DPP4: variants seen among roughly 807,000 people sequenced by gnomAD.
DPP4 encodes dipeptidyl peptidase 4, also known as ADCP-2.
In DPP4, 93 loss-of-function variants were observed where a neutral mutation model predicts 122.4. The ratio of observed to expected loss-of-function variants is 0.76; its 90% CI spans 0.64 to 0.90. DPP4 has a LOEUF of 0.90. Among genes scored for constraint, DPP4 ranks in the 40% least tolerant of loss-of-function variants. The pLI, the probability that DPP4 is intolerant of heterozygous loss-of-function variation, is 0.00. For missense variants in DPP4, 914 were observed against 907.3 expected, an observed-to-expected ratio of 1.01 and a Z score of -0.09; for synonymous variants, 321 against 302.9, an observed-to-expected ratio of 1.06 and a Z score of -0.62.
intron 13 of DPP4, 45 bp downstream of exon 13, chr2:162,020,536 A>G: frequency 1.3e-6 from 2 of 1,502,588 alleles, no homozygotes; most frequent in Non-Finnish European, 1.8e-6. Context: ...GTTTCCAAAA[A>G]AAAAAAAGAG....
chr2:162,041,806 A>G (rs1310062060), intron 5 of DPP4, among the ~76,000 whole-genome samples: 1 of 152,200 alleles, frequency 6.6e-6, no homozygotes, highest in Non-Finnish European at 1.5e-5. Context: ...TAGTTTATAA[A>G]CACTGGCAGC....
intron 2 of DPP4, among the ~76,000 whole-genome samples, chr2:162,063,574 G>T (rs1559726999): frequency 6.6e-6 from 1 of 151,934 alleles, no homozygotes; most frequent in Non-Finnish European, 1.5e-5. Context: ...AGGGGAGGTG[G>T]AGAAGAAGGA....
rs1301993539 is a variant in DPP4 at position 162,009,241 on chromosome 2, C to A, written c.1887G>T (p.Trp629Cys). ...VDNKRIAIWG[W>C]SYGGYVTSMV... is the part of the protein sequence containing the mutation. ...ACAGATTCATCAGTCAACTACTCAC[C>A]CAGCCCCAAATTGCAATTCGTTTGT... The change falls in exon 21 of 26, where the codon TGG (tryptophan) becomes TGT (cysteine). Residue 629 changes from tryptophan to cysteine, a missense_variant and splice_region_variant. By Grantham distance (215) the Trp-to-Cys change is radical. Coordinates refer to ENST00000360534, the MANE Select transcript of DPP4 (RefSeq NM_001935.4). 6.2e-7 allele frequency: 1 copy of A among 1,613,684 alleles called. No homozygotes were observed. The highest frequency in any genetic ancestry group is 1.3e-5 in the African/African-American group (1 of 74,986).
chr2:162,018,352 C>G (rs1408104535), intron 16 of DPP4, among the ~76,000 whole-genome samples: 2 of 152,184 alleles, frequency 1.3e-5, no homozygotes, highest in African/African-American at 4.8e-5. Context: ...ATAATAGCAA[C>G]AGCAACAGAA....
At chr2:162,029,386 C>T (rs1683460096) in intron 10 of DPP4, among the ~76,000 whole-genome samples, 1 of 152,222 alleles carries the variant, frequency 6.6e-6, no homozygotes, top group South Asian at 2.1e-4. Flanking sequence ...GGCATACTGC[C>T]AGTGCTGGCC....
intron 7 of DPP4, 32 bp from the exon 8 acceptor site, chr2:162,038,454 A>G (rs1390340377): frequency 4.4e-6 from 7 of 1,574,534 alleles, no homozygotes; most frequent in South Asian, 3.5e-5. Context: ...ATTGATATCT[A>G]TAATACATGT....
intron 23 of DPP4, among the ~76,000 whole-genome samples, chr2:161,996,388 A>C (rs1420527840): frequency 2.0e-5 from 3 of 152,186 alleles, no homozygotes; most frequent in African/African-American, 7.2e-5. Context: ...ATCTTGGTGA[A>C]TCAAATTCAA....
intron 15 of DPP4, 106 bp from the exon 16 acceptor site, chr2:162,018,956 A>C: frequency 1.4e-6 from 2 of 1,429,774 alleles, no homozygotes; most frequent in East Asian, 4.6e-5. Flanking sequence ...ATGCCAACGC[A>C]ATCTTTAGGA....
intron 13 of DPP4, 51 bp from the exon 14 acceptor site, chr2:162,020,347 T>C (rs1330003020): frequency 7.6e-7 from 1 of 1,319,372 alleles, no homozygotes; most frequent in African/African-American, 1.5e-5. Flanking sequence ...GATTAGAGAC[T>C]CTCTCTGTTC....
At position 162,070,092 on chromosome 2, in the gene DPP4, T is replaced by C. The variant is rs1169106396; in HGVS notation, c.94+3307A>G. On this transcript the variant is annotated intron_variant, in intron 2 of 25. Transcript: ENST00000360534. ...AGCCATGAAGAGTTCTACAATTCCATACAAGTATTTTTACGTATTTCTCAC... is the reference window on the plus strand; with the variant it reads ...AGCCATGAAGAGTTCTACAATTCCACACAAGTATTTTTACGTATTTCTCAC... 2.0e-5 allele frequency among the ~76,000 whole-genome samples: 3 copies of C among 152,238 alleles called. No individual in the cohort carries two copies. The East Asian group carries it at 5.8e-4, about 29-fold the overall frequency.
At position 162,026,071 on chromosome 2, in the gene DPP4, T is replaced by A. The variant is rs529958506; in HGVS notation, c.888-1132A>T. Among the ~76,000 whole-genome samples the A allele has an allele frequency of 7.6e-4, 116 of 152,292 alleles. 1 individual carries two copies. The highest frequency in any genetic ancestry group is 2.8e-3 in the African/African-American group (115 of 41,552). On this transcript the variant is annotated intron_variant, in intron 10 of 25. Coordinates refer to ENST00000360534, the MANE Select transcript of DPP4 (RefSeq NM_001935.4). ...GCCCTCTCCTCACCTGTGGGACCTG[T>A]CATATTGTCATACTGAAGGACCATA...
At chr2:162,060,009 A>G (rs1684708910) in intron 2 of DPP4, among the ~76,000 whole-genome samples, 1 of 152,242 alleles carries the variant, frequency 6.6e-6, no homozygotes, top group Non-Finnish European at 1.5e-5. Flanking sequence ...AGGCACAGAT[A>G]GGCACAGCCA....
At chr2:162,016,919 T>C in intron 17 of DPP4, 53 bp from the exon 18 acceptor site, 1 of 1,541,388 alleles carries the variant, frequency 6.5e-7, no homozygotes, top group South Asian at 1.2e-5. Flanking sequence ...AAAATGTGGA[T>C]TATGTAGTGC....
chr2:162,049,655 G>GA (rs989662066), intron 2 of DPP4, among the ~76,000 whole-genome samples: 2 of 151,386 alleles, frequency 1.3e-5, no homozygotes, highest in Non-Finnish European at 2.9e-5. Context: ...AAAGTTGAAA[G>GA]AAAAAAAACA....
At chr2:162,040,258 A>AGC (rs1683938965) in intron 5 of DPP4, among the ~76,000 whole-genome samples, 2 of 152,138 alleles carry the variant, frequency 1.3e-5, no homozygotes, top group Non-Finnish European at 2.9e-5. Flanking sequence ...CTACACACAA[A>AGC]TGTTTATAGC....
intron 23 of DPP4, among the ~76,000 whole-genome samples, chr2:162,001,317 A>AC (rs1025255350): frequency 6.6e-6 from 1 of 151,704 alleles, no homozygotes; most frequent in Non-Finnish European, 1.5e-5. Flanking sequence ...ATGAAACTAG[A>AC]CCCCCTCTGG....
At chr2:162,006,107 G>T (rs1259698489) in intron 22 of DPP4, among the ~76,000 whole-genome samples, 1 of 152,212 alleles carries the variant, frequency 6.6e-6, no homozygotes, top group South Asian at 2.1e-4. Flanking sequence ...CTTACGATGG[G>T]GCAAAGGGAG....
intron 2 of DPP4, among the ~76,000 whole-genome samples, chr2:162,056,018 G>T (rs1388279936): frequency 6.6e-6 from 1 of 152,100 alleles, no homozygotes; most frequent in African/African-American, 2.4e-5. Flanking sequence ...GCTCTTCCTG[G>T]AATGTTCTTC....
intron 2 of DPP4, among the ~76,000 whole-genome samples, chr2:162,068,806 A>C (rs1685027801): frequency 6.6e-6 from 1 of 152,220 alleles, no homozygotes; most frequent in Non-Finnish European, 1.5e-5. Flanking sequence ...ATAGGAATGA[A>C]GGCATCCACA....
Sources: allele counts gnomAD v4.1 joint callset (sites outside exome capture counted in the v4.1 genomes callset), GRCh38; gene constraint gnomAD v4.1.1; transcripts MANE v1.5; gene names NCBI Gene and HGNC (gene_info 2026-07-23, HGNC 2026-07-21).